PLEKHA8: variants seen among roughly 807,000 people sequenced by gnomAD.
The protein encoded by PLEKHA8 is pleckstrin homology domain containing A8.
A neutral mutation model predicts 68.2 loss-of-function variants in PLEKHA8; 36 were observed. The ratio of observed to expected loss-of-function variants is 0.53; its 90% confidence interval spans 0.40 to 0.70. The LOEUF is 0.70. Ranked by LOEUF, PLEKHA8 falls within the 30% of genes least tolerant of loss-of-function variation. The probability of loss-of-function intolerance (pLI) is 0.00; values close to 1 mark genes in which losing one functional copy is unlikely to be tolerated. For missense variants in PLEKHA8, 505 were observed against 615.4 expected (o/e 0.82, Z 1.90); for synonymous variants, 211 against 216.1 (o/e 0.98, Z 0.20).
At chr7:30,120,507 GCAAGTGTAGGTTA>G (rs1407857020) in intron 13 of PLEKHA8, among the ~76,000 whole-genome samples, 1 of 152,226 alleles carries the variant, frequency 6.6e-6, no homozygotes, top group Non-Finnish European at 1.5e-5. Context: ...TGCGATTGGT[GCAAGTGTAGGTTA>G]CAACAGTCTG....
At chr7:30,056,312 C>CTA (rs1554385029) in intron 9 of PLEKHA8, among the ~76,000 whole-genome samples, 2,285 of 94,468 alleles carry the variant, frequency 0.024, 77 homozygotes, top group Non-Finnish European at 0.03. Context: ...CTCTCTCTCT[C>CTA]TATATATATA....
In PLEKHA8 at chr7:30,054,756, C is replaced by G; in HGVS notation, c.844C>G (p.His282Asp). The stretch of plus-strand genomic sequence containing the variant: ...AGATGGAATGGAAAACCTGAAAAAT[C>G]ATGACAATAACTTGACTCAGTCTGG... Reference protein sequence around the residue: ...KEDGMENLKNHDNNLTQSGSD... With the variant: ...KEDGMENLKNDDNNLTQSGSD... The change falls in exon 8 of 14, where the codon CAT (histidine) becomes GAT (aspartate). Residue 282 changes from histidine (H) to aspartate (D), a missense_variant. Transcript: ENST00000449726. 6.2e-7 allele frequency: 1 copy of G among 1,603,854 alleles called. No homozygotes were observed. The highest frequency in any genetic ancestry group is 1.1e-5 in the South Asian group (1 of 89,818).
In PLEKHA8 at chr7:30,080,290, C is replaced by T; in HGVS notation, c.*1503C>T. 3.0e-6 allele frequency: 3 copies of T among 985,398 alleles called. 1 individual carries two copies. The highest frequency in any genetic ancestry group is 9.4e-5 in the South Asian group (2 of 21,288). 61.0% of individuals were successfully genotyped at this position (985,398 alleles called of 1,614,324 possible). A position where few individuals can be genotyped will look rare whatever the true frequency, so the allele number is the denominator to read the frequency against. ...AACCCTGGCCCTAGTCTCAGTAGAC[C>T]ATGCTGCCTCGAGTGTGCATCGGAG... On this transcript the variant is annotated 3_prime_UTR_variant, in exon 14 of 14. Coordinates refer to ENST00000449726, the MANE Select transcript of PLEKHA8 (RefSeq NM_001197026.2).
chr7:30,115,655 T>C (rs185084945), intron 13 of PLEKHA8, among the ~76,000 whole-genome samples: 25 of 151,846 alleles, frequency 1.6e-4, no homozygotes, highest in African/African-American at 1.7e-4. Context: ...CATGTACACA[T>C]ACATGTATAC....
Position 30,115,821 on chromosome 7 carries a change from C to T in PLEKHA8, c.1363-13445C>T, listed in dbSNP as rs1271719844. On this transcript the variant is annotated intron_variant, in intron 13 of 13. Transcript: ENST00000396257. ...ACATGTATACACGCATGCATGTATACATGCGTGCACATACATGTATACACG... is the reference window on the plus strand; with the variant it reads ...ACATGTATACACGCATGCATGTATATATGCGTGCACATACATGTATACACG... 3 of 138,408 alleles carry T rather than the reference C, an allele frequency of 2.2e-5. 1 individual carries two copies. Among genetic ancestry groups the T allele is most frequent in the African/African-American group, 8.6e-5 (3 of 34,692 alleles). The allele number at this position is 138,408 out of a possible 1,614,324, so 8.6% of individuals were successfully genotyped here.
intron 12 of PLEKHA8, 118 bp downstream of exon 12, chr7:30,062,860 T>C: frequency 2.8e-6 from 2 of 723,688 alleles, no homozygotes; most frequent in Non-Finnish European, 2.2e-6. Flanking sequence ...TTGTTTCTTT[T>C]CTTATTTCAT....
chr7:30,090,901 C>G (rs1455573734), downstream of PLEKHA8, among the ~76,000 whole-genome samples: 1 of 152,168 alleles, frequency 6.6e-6, no homozygotes, highest in African/African-American at 2.4e-5. Flanking sequence ...TGGCTCACAC[C>G]TGTAATCCCA....
At chr7:30,116,112 A>T (rs552105299) in intron 13 of PLEKHA8, 1 of 151,024 alleles carries the variant, frequency 6.6e-6, no homozygotes, top group Admixed American at 6.6e-5. Context: ...ACGCATACAT[A>T]CACGTATACA....
At chr7:30,130,391 A>C (rs73689403), downstream of PLEKHA8, 3,367 of 152,318 alleles carry the variant, frequency 0.022, 54 homozygotes, top group East Asian at 0.041. Context: ...GGAAAATGAG[A>C]AACTGTTCCA....
chr7:30,122,132 T>C (rs1474999593), intron 13 of PLEKHA8, among the ~76,000 whole-genome samples: 3 of 152,212 alleles, frequency 2.0e-5, no homozygotes, highest in Non-Finnish European at 4.4e-5. Flanking sequence ...TGGCCTTTCT[T>C]CTAAGAGGTA....
At chr7:30,113,710 C>T (rs775468430) in intron 13 of PLEKHA8, among the ~76,000 whole-genome samples, 5 of 152,110 alleles carry the variant, frequency 3.3e-5, no homozygotes, top group Non-Finnish European at 5.9e-5. Flanking sequence ...ATTGGACTAT[C>T]TCATTCCTTA....
rs773072396 is a variant in PLEKHA8, at chr7:30,047,959, A to T, written c.438+3A>T. 7.1e-7 allele frequency: 1 copy of T among 1,406,080 alleles called. No individual in the cohort carries two copies. The highest frequency in any genetic ancestry group is 1.8e-5 in the South Asian group (1 of 55,706). The allele number at this position is 1,406,080 out of a possible 1,614,324, so 87.1% of individuals were successfully genotyped here. A position where few individuals can be genotyped will look rare whatever the true frequency, so the allele number is the denominator to read the frequency against. On this transcript the variant is annotated splice_donor_region_variant and intron_variant, in intron 4 of 13. Coordinates refer to ENST00000449726, the MANE Select transcript of PLEKHA8 (RefSeq NM_001197026.2). ...CAACTGGTGTGTCCAATTCTGAGGT[A>T]AAATATTATTTATTAATATTATTAA...
intron 12 of PLEKHA8, among the ~76,000 whole-genome samples, chr7:30,065,840 A>G (rs1039107213): frequency 6.6e-6 from 1 of 152,208 alleles, no homozygotes; most frequent in Non-Finnish European, 1.5e-5. Context: ...AGGGTCTCAA[A>G]ATCTCCATCG....
chr7:30,031,577 T>C (rs916569642), intron 1 of PLEKHA8, among the ~76,000 whole-genome samples: 9 of 152,116 alleles, frequency 5.9e-5, no homozygotes, highest in African/African-American at 1.4e-4. Context: ...AGGCTAGATA[T>C]TTCAGGGCCT....
At position 30,082,182 on chromosome 7, in the gene PLEKHA8, GTTA is replaced by G; in HGVS notation, c.*3398_*3400del. On this transcript the variant is annotated 3_prime_UTR_variant, in exon 14 of 14. Coordinates refer to ENST00000449726, the MANE Select transcript of PLEKHA8 (RefSeq NM_001197026.2). ...GGCACCTTCTTATCATTTTTTGCAT[GTTA>G]TTCTGATTATTAAACTTCCCCCAAT... 1.0e-6 allele frequency: 1 copy of G among 985,294 alleles called. No homozygotes were observed. Among genetic ancestry groups the G allele is most frequent in the Non-Finnish European group, 1.2e-6 (1 of 829,872 alleles). The allele number at this position is 985,294 out of a possible 1,614,324, so 61.0% of individuals were successfully genotyped here.
At chr7:30,116,251 CACGT>C in intron 13 of PLEKHA8, among the ~76,000 whole-genome samples, 1 of 140,240 alleles carries the variant, frequency 7.1e-6, no homozygotes, top group African/African-American at 3.1e-5. Flanking sequence ...TATACATGTA[CACGT>C]ATACATGCAT....
At chr7:30,062,138 T>C in intron 11 of PLEKHA8, 111 bp downstream of exon 11, 1 of 1,330,660 alleles carries the variant, frequency 7.5e-7, no homozygotes, top group Non-Finnish European at 1.0e-6. Context: ...CTAGTTGAAT[T>C]GTGTAGCCTT....
At chr7:30,098,706 C>A (rs922626587) in intron 13 of PLEKHA8, among the ~76,000 whole-genome samples, 4 of 152,224 alleles carry the variant, frequency 2.6e-5, no homozygotes, top group Non-Finnish European at 5.9e-5. Context: ...GTGGGAGTGA[C>A]CCGATTTTCC....
intron 13 of PLEKHA8, among the ~76,000 whole-genome samples, chr7:30,098,945 G>A (rs757400019): frequency 2.0e-5 from 3 of 152,108 alleles, no homozygotes; most frequent in Admixed American, 6.5e-5. Context: ...GTTCCTATTC[G>A]GCCATCTTGG....
Sources: allele counts gnomAD v4.1 joint callset (sites outside exome capture counted in the v4.1 genomes callset), GRCh38; gene constraint gnomAD v4.1.1; transcripts MANE v1.5; gene names NCBI Gene and HGNC (gene_info 2026-07-23, HGNC 2026-07-21).